Variants in BAZ2B observed in about 807,000 individuals in gnomAD.
BAZ2B encodes bromodomain adjacent to zinc finger domain 2B.
In BAZ2B, 91 loss-of-function variants were observed where a neutral mutation model predicts 246.0. The observed-to-expected ratio is 0.37, with a 90% CI of 0.31 to 0.44. The LOEUF is 0.44. BAZ2B is among the 20% of genes least tolerant of loss of function. BAZ2B has a pLI of 1.00. For missense variants in BAZ2B, 2,332 were observed against 2,533.7 expected (o/e 0.92, Z 1.71); for synonymous variants, 855 against 860.0 (o/e 0.99, Z 0.10).
At chr2:159,661,849 G>A in the BAZ2B span, among the ~76,000 whole-genome samples, 2 of 151,794 alleles carry the variant, frequency 1.3e-5, no homozygotes, top group African/African-American at 2.4e-5. Context: ...GCGCTCAAGC[G>A]ATACTCCTGT....
intron 6 of BAZ2B, among the ~76,000 whole-genome samples, chr2:159,441,166 G>A (rs1028808038): frequency 6.6e-6 from 1 of 152,170 alleles, no homozygotes; most frequent in East Asian, 1.9e-4. Flanking sequence ...TTTTGTTTTA[G>A]TAAGGGATAA....
chr2:159,466,684 T>C (rs1042820845), intron 3 of BAZ2B, among the ~76,000 whole-genome samples: 23 of 152,204 alleles, frequency 1.5e-4, no homozygotes, highest in Non-Finnish European at 3.2e-4. Flanking sequence ...ATCGAGATTA[T>C]GGAGGCTGAC....
chr2:159,412,370 G>A lies in BAZ2B; in HGVS notation c.2642C>T (p.Ala881Val). The A allele has an allele frequency of 1.2e-6, 2 of 1,614,086 alleles. No individual in the cohort carries two copies. Among genetic ancestry groups the A allele is most frequent in the East Asian group, 2.2e-5 (1 of 44,872 alleles). Residue 881 changes from alanine to valine, a missense_variant, in exon 14 of 37, where the codon GCA (alanine) becomes GTA (valine). By Grantham distance (64) the Ala-to-Val change is moderately conservative. This residue lies in a region of BAZ2B where 651 missense variants were observed against 650.9 expected (regional missense o/e 1.00). Transcript: ENST00000392783. ...CAGTTTTCTTAGCAACTTTGCATCT[G>A]CGTTATCTAGGAATTCAGCATTGCC... ...NVGNAEFLDN[A>V]DAKLLRKLQA...
intron 34 of BAZ2B, among the ~76,000 whole-genome samples, chr2:159,327,199 G>A (rs774687524): frequency 6.6e-6 from 1 of 152,054 alleles, no homozygotes; most frequent in East Asian, 1.9e-4. Flanking sequence ...CTACGAGTGT[G>A]AGCCACCATG....
At chr2:159,565,535 T>C (rs1374394792) in intron 1 of BAZ2B, among the ~76,000 whole-genome samples, 2 of 152,020 alleles carry the variant, frequency 1.3e-5, no homozygotes. Context: ...TCCCAGCACT[T>C]TGGGTGGCCA....
At chr2:159,345,206 G>T (rs6718326) in intron 31 of BAZ2B, among the ~76,000 whole-genome samples, 13 of 150,410 alleles carry the variant, frequency 8.6e-5, no homozygotes, top group Non-Finnish European at 1.6e-4. Flanking sequence ...AGTGAAACTT[G>T]GTCTCAAAAA....
At chr2:159,512,540 T>A (rs1376715351) in intron 2 of BAZ2B, among the ~76,000 whole-genome samples, 1 of 152,136 alleles carries the variant, frequency 6.6e-6, no homozygotes, top group African/African-American at 2.4e-5. Context: ...ATAAAGACGG[T>A]CTCTAAGCTG....
chr2:159,578,373 T>C (rs1369327154), intron 1 of BAZ2B, among the ~76,000 whole-genome samples: 1 of 152,216 alleles, frequency 6.6e-6, no homozygotes, highest in Non-Finnish European at 1.5e-5. Context: ...CAGAAAATTG[T>C]GCACACCCTT....
rs192065482 is a variant in BAZ2B at position 159,387,305 on chromosome 2, T to C, written c.3217-698A>G. Among the ~76,000 whole-genome samples, 542 of 152,302 alleles carry C rather than the reference T, an allele frequency of 3.6e-3. 4 individuals are homozygous for C. The highest frequency in any genetic ancestry group is 0.012 in the African/African-American group (518 of 41,574). On this transcript the variant is annotated intron_variant, in intron 21 of 36. Coordinates refer to ENST00000392783, the MANE Select transcript of BAZ2B (RefSeq NM_013450.4). Reference sequence around the variant, plus strand: ...TTGTTATTTCTCAAATATGCTCACATATTAACATTTTAATGACTTAATTGC... The same window carrying C: ...TTGTTATTTCTCAAATATGCTCACACATTAACATTTTAATGACTTAATTGC...
intron 2 of BAZ2B, among the ~76,000 whole-genome samples, chr2:159,498,841 C>G (rs2081417439): frequency 2.6e-5 from 4 of 152,080 alleles, no homozygotes; most frequent in African/African-American, 7.2e-5. Flanking sequence ...TCTTACTGTA[C>G]TTACTGTATT....
At chr2:159,340,789 T>A (rs917582441) in intron 31 of BAZ2B, among the ~76,000 whole-genome samples, 3 of 152,158 alleles carry the variant, frequency 2.0e-5, no homozygotes, top group Admixed American at 2.0e-4. Flanking sequence ...AGTAAAAAGA[T>A]GATAACCACC....
chr2:159,701,598 A>T, the BAZ2B span, among the ~76,000 whole-genome samples: 1 of 148,920 alleles, frequency 6.7e-6, no homozygotes, highest in Non-Finnish European at 1.5e-5. Flanking sequence ...TAGTTTTAAA[A>T]TTTGACTTCA....
At chr2:159,330,607 T>C (rs1396811086) in intron 34 of BAZ2B, among the ~76,000 whole-genome samples, 1 of 151,894 alleles carries the variant, frequency 6.6e-6, no homozygotes, top group African/African-American at 2.4e-5. Context: ...ACACCTGTAA[T>C]CCCAGACTTC....
At position 159,325,798 on chromosome 2, in the gene BAZ2B, T is replaced by G; in HGVS notation, c.6064A>C (p.Thr2022Pro). ...GDTEDEDSAS[T>P]SSSLKRGNKD... ...TTTCCTCTTTTTAGTGAACTACTTG[T>G]AGATGCAGAGTCTTCATCTTCAGTA... Residue 2022 changes from threonine to proline, a missense_variant, in exon 35 of 37, where the codon ACA (threonine) becomes CCA (proline). Physicochemically the swap from Thr to Pro is conservative, Grantham distance 38 (BLOSUM62 -1). Around this residue, in one of 9 missense-constraint regions of BAZ2B, gnomAD observed 210 missense variants for 232.5 expected, o/e 0.90. Transcript: ENST00000392783. 6.2e-7 allele frequency: 1 copy of G among 1,610,046 alleles called. No individual in the cohort carries two copies. The highest frequency in any genetic ancestry group is 8.5e-7 in the Non-Finnish European group (1 of 1,178,956).
the BAZ2B span, among the ~76,000 whole-genome samples, chr2:159,655,840 TTA>T: frequency 2.0e-5 from 3 of 152,168 alleles, no homozygotes; most frequent in Admixed American, 6.5e-5. Flanking sequence ...GAGTCCCCCT[TTA>T]TGTTGAGTCA....
chr2:159,412,410 G>T lies in BAZ2B; in HGVS notation c.2602C>A (p.Arg868=). ...TCAGCATTGCCAACATTTGGAGGTC[G>T]ACCTTTCCGACGTCTCATCCTGGAT... ...EESRMRRRKG[R]PPNVGNAEFL... is the part of the protein sequence containing the mutation. The change falls in exon 14 of 37, where the codon CGA becomes AGA. Residue 868 remains arginine, a synonymous_variant. Coordinates refer to ENST00000392783, the MANE Select transcript of BAZ2B (RefSeq NM_013450.4). 6.2e-7 allele frequency: 1 copy of T among 1,614,046 alleles called. No homozygotes were observed. The highest frequency in any genetic ancestry group is 8.5e-7 in the Non-Finnish European group (1 of 1,179,996).
At chr2:159,652,766 T>C in the BAZ2B span, among the ~76,000 whole-genome samples, 1 of 150,862 alleles carries the variant, frequency 6.6e-6, no homozygotes, top group Admixed American at 6.6e-5. Flanking sequence ...TACAGGTGTG[T>C]GGTACCATGC....
At chr2:159,638,518 C>G in the BAZ2B span, among the ~76,000 whole-genome samples, 10 of 152,106 alleles carry the variant, frequency 6.6e-5, 1 homozygote. Flanking sequence ...ATAAGTCATT[C>G]AGAATTCTAT....
At chr2:159,487,922 T>A (rs2080019468) in intron 2 of BAZ2B, among the ~76,000 whole-genome samples, 1 of 151,982 alleles carries the variant, frequency 6.6e-6, no homozygotes, top group East Asian at 1.9e-4. Context: ...GAAAGAATAA[T>A]CAAGAAAAAC....
Sources: allele counts gnomAD v4.1 joint callset (sites outside exome capture counted in the v4.1 genomes callset), GRCh38; gene constraint gnomAD v4.1.1; regional missense constraint gnomAD v4.1.1; transcripts MANE v1.5; gene names NCBI Gene and HGNC (gene_info 2026-07-23, HGNC 2026-07-21).